Variants in SEMA3E observed in about 807,000 individuals in gnomAD.
SEMA3E encodes semaphorin-3E.
SEMA3E carries 49 observed loss-of-function variants against 93.6 expected under a neutral mutation model. That is an observed-to-expected ratio of 0.52 (90% CI 0.42 to 0.66). SEMA3E has a LOEUF of 0.66. Among genes scored for constraint, SEMA3E ranks in the 30% least tolerant of loss-of-function variants. SEMA3E has a pLI of 0.00. For synonymous variants in SEMA3E, 363 were observed against 330.7 expected (o/e 1.10, Z -1.06); for missense variants, 906 against 964.8 (o/e 0.94, Z 0.81).
intron 1 of SEMA3E, among the ~76,000 whole-genome samples, chr7:83,508,868 A>T (rs1309356526): frequency 1.3e-5 from 2 of 152,018 alleles, no homozygotes; most frequent in Non-Finnish European, 2.9e-5. Flanking sequence ...GACCAAAAAG[A>T]CTCCTTATGT....
In SEMA3E at chr7:83,367,339, A is replaced by G. The variant is rs1235830659; in HGVS notation, c.*247T>C. Reference sequence around the variant, plus strand: ...GCCAAGTACTGAAAATAACAGCTACAGTTGTTTTTTGATAAACATAATGAG... The same window carrying G: ...GCCAAGTACTGAAAATAACAGCTACGGTTGTTTTTTGATAAACATAATGAG... On this transcript the variant is annotated 3_prime_UTR_variant, in exon 17 of 17. Transcript: ENST00000643230. 2.3e-6 allele frequency: 1 copy of G among 442,076 alleles called. No individual in the cohort carries two copies. The highest frequency in any genetic ancestry group is 4.0e-6 in the Non-Finnish European group (1 of 247,580). The allele number at this position is 442,076 out of a possible 1,614,324, so 27.4% of individuals were successfully genotyped here.
intron 5 of SEMA3E, among the ~76,000 whole-genome samples, chr7:83,415,338 C>T (rs577329909): frequency 6.6e-6 from 1 of 152,066 alleles, no homozygotes; most frequent in East Asian, 1.9e-4. Context: ...AATATGGCAC[C>T]TGAGATATGA....
At chr7:83,440,274 G>A (rs1449206969) in intron 4 of SEMA3E, among the ~76,000 whole-genome samples, 1 of 152,078 alleles carries the variant, frequency 6.6e-6, no homozygotes, top group East Asian at 1.9e-4. Flanking sequence ...TATGAGAAGA[G>A]GAGAACATAG....
intron 1 of SEMA3E, among the ~76,000 whole-genome samples, chr7:83,560,724 CCTTTAAAAATAGT>C (rs145880664): frequency 0.029 from 4,439 of 151,616 alleles, 217 homozygotes; most frequent in African/African-American, 0.1. Flanking sequence ...TCTTAAAAAT[CCTTTAAAAATAGT>C]CTCCATTTTT....
Position 83,625,996 on chromosome 7 carries a change from G to A in SEMA3E, c.115+22432C>T, listed in dbSNP as rs74795125. Among the ~76,000 whole-genome samples the A allele has an allele frequency of 1.7e-3, 261 of 152,234 alleles. 1 individual carries two copies. Among genetic ancestry groups the A allele is most frequent in the African/African-American group, 5.6e-3 (233 of 41,548 alleles). ...TTGTTGTAATTGGTTCTGTTTATGC[G>A]ATAGATCACATTTATTGATTTGCAT... On this transcript the variant is annotated intron_variant, in intron 1 of 16. Coordinates refer to ENST00000643230, the MANE Select transcript of SEMA3E (RefSeq NM_012431.3).
intron 1 of SEMA3E, among the ~76,000 whole-genome samples, chr7:83,616,074 T>C (rs750276426): frequency 1.1e-4 from 17 of 152,100 alleles, no homozygotes; most frequent in Admixed American, 2.0e-4. Flanking sequence ...AGATAACCCG[T>C]TGGGGTCCCT....
chr7:83,455,406 A>T (rs1009575878), intron 4 of SEMA3E, among the ~76,000 whole-genome samples: 2 of 152,208 alleles, frequency 1.3e-5, no homozygotes, highest in African/African-American at 4.8e-5. Context: ...GAACAGCTTC[A>T]TTTCTCATCT....
At chr7:83,618,189 G>A (rs1793468775) in intron 1 of SEMA3E, among the ~76,000 whole-genome samples, 1 of 152,036 alleles carries the variant, frequency 6.6e-6, no homozygotes, top group Non-Finnish European at 1.5e-5. Context: ...TTATGATTCA[G>A]AGTTTTAACA....
In SEMA3E at chr7:83,502,450, G is replaced by A. The variant is rs551494326; in HGVS notation, c.116-12176C>T. ...TTCTCCTTTTCTCACAGAGCTCTAGGGCTTGGGCTTTAGAGTTTGGCCTGG... is the reference window on the plus strand; with the variant it reads ...TTCTCCTTTTCTCACAGAGCTCTAGAGCTTGGGCTTTAGAGTTTGGCCTGG... On this transcript the variant is annotated intron_variant, in intron 1 of 16. Transcript: ENST00000643230. Among the ~76,000 whole-genome samples the A allele has an allele frequency of 3.3e-5, 5 of 152,092 alleles. No individual in the cohort carries two copies. The East Asian group carries it at 9.7e-4, about 29-fold the overall frequency.
intron 1 of SEMA3E, among the ~76,000 whole-genome samples, chr7:83,545,917 T>C (rs1791641941): frequency 6.8e-6 from 1 of 147,012 alleles, no homozygotes; most frequent in African/African-American, 2.5e-5. Flanking sequence ...ATTATATATA[T>C]TTTATTGTGC....
At chr7:83,632,243 C>T (rs1224438474) in intron 1 of SEMA3E, among the ~76,000 whole-genome samples, 1 of 151,902 alleles carries the variant, frequency 6.6e-6, no homozygotes, top group South Asian at 2.1e-4. Context: ...TTCTGGTGCT[C>T]CATTTTAAGA....
At chr7:83,461,419 C>A (rs560144587) in intron 4 of SEMA3E, among the ~76,000 whole-genome samples, 2 of 152,284 alleles carry the variant, frequency 1.3e-5, no homozygotes, top group South Asian at 4.1e-4. Context: ...CTTTTTGTCA[C>A]CTCCCCTCCT....
At chr7:83,427,195 T>C (rs866454856) in intron 4 of SEMA3E, among the ~76,000 whole-genome samples, 4 of 151,778 alleles carry the variant, frequency 2.6e-5, no homozygotes, top group African/African-American at 7.3e-5. Flanking sequence ...TTCCTTCCTT[T>C]CCTTCTTTTT....
intron 4 of SEMA3E, among the ~76,000 whole-genome samples, chr7:83,456,622 A>ATATATTTAT (rs1789485827): frequency 6.9e-6 from 1 of 145,552 alleles, no homozygotes; most frequent in African/African-American, 2.5e-5. Context: ...TTATTTATTT[A>ATATATTTAT]TTATTTTTGA....
At chr7:83,605,451 G>C (rs1334504435) in intron 1 of SEMA3E, among the ~76,000 whole-genome samples, 4 of 147,528 alleles carry the variant, frequency 2.7e-5, no homozygotes, top group African/African-American at 1.0e-4. Flanking sequence ...TTTTTATTGA[G>C]ATGGAGTCTT....
At chr7:83,394,250 C>G (rs1788074032) in intron 13 of SEMA3E, 47 bp downstream of exon 13, 1 of 1,523,342 alleles carries the variant, frequency 6.6e-7, no homozygotes, top group Admixed American at 2.0e-5. Flanking sequence ...TACCTTAGCT[C>G]ACATATAGAA....
chr7:83,422,051 C>A (rs555663101), intron 4 of SEMA3E, among the ~76,000 whole-genome samples: 14 of 152,280 alleles, frequency 9.2e-5, no homozygotes, highest in African/African-American at 3.4e-4. Context: ...GTGGCGCATG[C>A]CTGTAATCCC....
chr7:83,423,842 G>T (rs1788718724), intron 4 of SEMA3E, among the ~76,000 whole-genome samples: 1 of 152,076 alleles, frequency 6.6e-6, no homozygotes, highest in African/African-American at 2.4e-5. Flanking sequence ...AGTGTATACT[G>T]CTCAGGTGAT....
chr7:83,453,345 G>A (rs1789402696), intron 4 of SEMA3E, among the ~76,000 whole-genome samples: 1 of 150,918 alleles, frequency 6.6e-6, no homozygotes, highest in Non-Finnish European at 1.5e-5. Flanking sequence ...TACTATGTTA[G>A]TGTAAATAAT....
Sources: gnomAD v4.1 joint callset for allele counts (sites outside exome capture counted in the v4.1 genomes callset) on GRCh38, gnomAD v4.1.1 for gene constraint, MANE v1.5 for transcripts, NCBI Gene and HGNC (gene_info 2026-07-23, HGNC 2026-07-21) for gene names.